ENTPD1: variants seen among roughly 807,000 people sequenced by gnomAD.
The protein encoded by ENTPD1 is ATP diphosphohydrolase.
ENTPD1 carries 33 observed loss-of-function variants against 57.0 expected under a neutral mutation model. That is an observed-to-expected ratio of 0.58 (90% confidence interval 0.44 to 0.77). The LOEUF (loss-of-function observed/expected upper bound fraction) is 0.77, where lower values mean the gene tolerates loss of function less well. Among genes scored for constraint, ENTPD1 ranks in the 30% least tolerant of loss-of-function variants. ENTPD1 has a pLI of 0.00. For missense variants in ENTPD1, 501 were observed against 603.4 expected, an observed-to-expected ratio of 0.83 and a Z score of 1.78; for synonymous variants, 202 against 218.8, an observed-to-expected ratio of 0.92 and a Z score of 0.68.
At position 95,842,384 on chromosome 10, in the gene ENTPD1, A is replaced by C. The variant is rs773288654; in HGVS notation, c.303A>C (p.Ile101=). 1 of 1,614,050 alleles carries C rather than the reference A, an allele frequency of 6.2e-7. No homozygotes were observed. The highest frequency in any genetic ancestry group is 1.1e-5 in the South Asian group (1 of 91,084). The change falls in exon 4 of 10, where the codon ATA becomes ATC. Residue 101 remains isoleucine (I), a synonymous_variant. Transcript: ENST00000371205. ...ISKFVQKVNE[I]GIYLTDCMER... is the part of the protein sequence containing the mutation. ...AATTTGTTCAGAAAGTAAATGAAATAGGCATTTACCTGACTGATTGCATGG... is the reference window on the plus strand; with the variant it reads ...AATTTGTTCAGAAAGTAAATGAAATCGGCATTTACCTGACTGATTGCATGG...
chr10:95,858,047 A>G (rs923282292), intron 7 of ENTPD1, among the ~76,000 whole-genome samples: 2 of 151,610 alleles, frequency 1.3e-5, no homozygotes, highest in Non-Finnish European at 2.9e-5. Flanking sequence ...AATCCCAGCT[A>G]CTCGGGAGGC....
At chr10:95,790,040 G>A (rs757447456) in intron 1 of ENTPD1, among the ~76,000 whole-genome samples, 1 of 152,268 alleles carries the variant, frequency 6.6e-6, no homozygotes, top group East Asian at 1.9e-4. Context: ...AAAGTACCAC[G>A]AGTGATATTG....
upstream of ENTPD1, chr10:95,755,472 G>A (rs1032066003): frequency 3.5e-6 from 2 of 565,510 alleles, no homozygotes; most frequent in Admixed American, 3.1e-5. Context: ...TGACGGTCTG[G>A]ATGTGGTAAT....
chr10:95,726,851 A>T lies in ENTPD1; in HGVS notation c.37+14858A>T, dbSNP rs536911762. Among the ~76,000 whole-genome samples, 4 of 152,304 alleles carry T rather than the reference A, an allele frequency of 2.6e-5. No individual in the cohort carries two copies. In the East Asian group the frequency reaches 7.7e-4, roughly 29 times the overall value. On this transcript the variant is annotated intron_variant, in intron 1 of 9. Coordinates refer to the ENTPD1 transcript ENST00000453258. ...CTCTGCACACTGGGTCCTGAGTGAC[A>T]GAAGTGCCCACCAGAAGTGATGCTT... is the stretch of plus-strand genomic sequence containing the variant.
intron 1 of ENTPD1, among the ~76,000 whole-genome samples, chr10:95,803,572 T>A (rs2140357057): frequency 6.6e-6 from 1 of 152,352 alleles, no homozygotes; most frequent in South Asian, 2.1e-4. Context: ...TCTTGTAAAT[T>A]TGTTTAAGTT....
In ENTPD1 at chr10:95,872,522, C is replaced by T. The variant is rs1046923175; in HGVS notation, c.*6139C>T. 9 of 984,928 alleles carry T rather than the reference C, an allele frequency of 9.1e-6. No individual in the cohort carries two copies. In the African/African-American group the frequency reaches 1.6e-4, roughly 17 times the overall value. The allele number at this position is 984,928 out of a possible 1,614,324, so 61.0% of individuals were successfully genotyped here. On this transcript the variant is annotated 3_prime_UTR_variant, in exon 10 of 10. Transcript: ENST00000371205. ...CATTTGTGAAGCCTTCTCCAAATTT[C>T]CAAGTCAGAATGTCTCTTCCTTGTG...
At chr10:95,809,422 T>C (rs534264364) in intron 1 of ENTPD1, among the ~76,000 whole-genome samples, 1,941 of 29,082 alleles carry the variant, frequency 0.067, no homozygotes, top group Middle Eastern at 0.12. Flanking sequence ...GGCAGAGGCG[T>C]CCCCCACCTC....
At chr10:95,730,982 AAT>A (rs2097988497) in intron 1 of ENTPD1, among the ~76,000 whole-genome samples, 1 of 152,234 alleles carries the variant, frequency 6.6e-6, no homozygotes, top group African/African-American at 2.4e-5. Context: ...CGTCATTAAT[AAT>A]TATCAGCACC....
At chr10:95,850,665 C>T (rs1368009389) in intron 7 of ENTPD1, among the ~76,000 whole-genome samples, 1 of 152,164 alleles carries the variant, frequency 6.6e-6, no homozygotes, top group East Asian at 1.9e-4. Flanking sequence ...AGAGTCAGCT[C>T]CAGCACACCA....
chr10:95,859,670 AT>A (rs1440897139), intron 7 of ENTPD1, among the ~76,000 whole-genome samples: 32 of 152,220 alleles, frequency 2.1e-4, no homozygotes, highest in Non-Finnish European at 4.4e-5. Context: ...CTGCTCAATT[AT>A]TTTTTCCCCT....
In ENTPD1 at chr10:95,769,948, C is replaced by T. The variant is rs889885153; in HGVS notation, c.16+13693C>T. 3.9e-5 allele frequency among the ~76,000 whole-genome samples: 6 copies of T among 152,062 alleles called. 1 individual carries two copies. Among genetic ancestry groups the T allele is most frequent in the Admixed American group, 3.3e-4 (5 of 15,276 alleles). On this transcript the variant is annotated intron_variant, in intron 1 of 9. Coordinates refer to ENST00000371205, the MANE Select transcript of ENTPD1 (RefSeq NM_001776.6). ...GTTTTGAGTGGGAAGATCAGGATCT[C>T]GGTTTTGGGTGTGTTAATGTTCCGA...
At chr10:95,730,872 A>C (rs913258759) in intron 1 of ENTPD1, among the ~76,000 whole-genome samples, 1 of 152,192 alleles carries the variant, frequency 6.6e-6, no homozygotes, top group Non-Finnish European at 1.5e-5. Flanking sequence ...GCATTTTCCC[A>C]TTCTTTTGAT....
At chr10:95,823,107 A>AT in intron 1 of ENTPD1, 130 bp from the exon 2 acceptor site, 2 of 1,066,832 alleles carry the variant, frequency 1.9e-6, no homozygotes, top group Non-Finnish European at 2.8e-6. Flanking sequence ...TACCTCATTG[A>AT]TAAAAAAGAT....
intron 1 of ENTPD1, among the ~76,000 whole-genome samples, chr10:95,757,864 G>A (rs549274700): frequency 5.9e-4 from 89 of 151,964 alleles, no homozygotes; most frequent in Admixed American, 9.8e-4. Context: ...AATTAGCTGG[G>A]TGTGGTGGTG....
chr10:95,873,522 C>T lies in ENTPD1; in HGVS notation c.*7139C>T, dbSNP rs571046398. ...TTACCTCCATGCTCTCAGTAGAGGC[C>T]CATAGGAAAGAGTAGGTAGGTTATG... On this transcript the variant is annotated 3_prime_UTR_variant, in exon 10 of 10. Transcript: ENST00000371205. 60 of 985,102 alleles carry T rather than the reference C, an allele frequency of 6.1e-5. No individual in the cohort carries two copies. The highest frequency in any genetic ancestry group is 6.9e-5 in the Non-Finnish European group (57 of 829,890). The allele number at this position is 985,102 out of a possible 1,614,324, so 61.0% of individuals were successfully genotyped here.
intron 1 of ENTPD1, among the ~76,000 whole-genome samples, chr10:95,735,277 C>T (rs938023863): frequency 3.9e-5 from 6 of 152,002 alleles, no homozygotes; most frequent in South Asian, 2.1e-4. Context: ...GTGATTCTCC[C>T]GCCTCAACTG....
intron 1 of ENTPD1, among the ~76,000 whole-genome samples, chr10:95,732,685 G>A (rs916138182): frequency 8.5e-5 from 13 of 152,058 alleles, no homozygotes; most frequent in African/African-American, 1.7e-4. Flanking sequence ...TTGGTCAGTC[G>A]GAGAAATAAA....
intron 1 of ENTPD1, among the ~76,000 whole-genome samples, chr10:95,805,292 C>T (rs1412544400): frequency 1.3e-5 from 2 of 151,926 alleles, no homozygotes; most frequent in East Asian, 1.9e-4. Flanking sequence ...GTCTGTTTTA[C>T]AAGAGACTAG....
At chr10:95,789,602 A>G (rs1177543277) in intron 1 of ENTPD1, among the ~76,000 whole-genome samples, 1 of 152,176 alleles carries the variant, frequency 6.6e-6, no homozygotes, top group Non-Finnish European at 1.5e-5. Context: ...GCCTAGAAAT[A>G]CTGAAAAAAA....
Sources: gnomAD v4.1 joint callset for allele counts (sites outside exome capture counted in the v4.1 genomes callset) on GRCh38, gnomAD v4.1.1 for gene constraint, MANE v1.5 for transcripts, NCBI Gene and HGNC (gene_info 2026-07-23, HGNC 2026-07-21) for gene names.